MAML2: variants seen among roughly 807,000 people sequenced by gnomAD.
MAML2 encodes the protein mastermind-like protein 2.
A neutral mutation model predicts 96.1 loss-of-function variants in MAML2; 22 were observed. That is an observed-to-expected ratio of 0.23 (90% CI 0.16 to 0.33). The LOEUF (loss-of-function observed/expected upper bound fraction) is 0.33, where lower values mean the gene tolerates loss of function less well. Ranked by LOEUF, MAML2 falls within the 10% of genes least tolerant of loss-of-function variation. The probability of loss-of-function intolerance (pLI) is 1.00; values close to 1 mark genes in which losing one functional copy is unlikely to be tolerated. For synonymous variants in MAML2, 561 were observed against 521.3 expected (o/e 1.08, Z -1.04); for missense variants, 1,367 against 1,392.4 (o/e 0.98, Z 0.29).
intron 2 of MAML2, among the ~76,000 whole-genome samples, chr11:96,016,707 G>T (rs11021392): frequency 1 from 152,320 of 152,320 alleles, 76,160 homozygotes; most frequent in Non-Finnish European, 1. Context: ...CCTTCTCATC[G>T]TAGTTTGTGT....
Position 95,991,574 on chromosome 11 carries a change from C to G in MAML2, c.2289G>C (p.Gln763His). ...GAAGTTGCTGTTTCTGCTCCATGAT[C>G]TGCCTCTGTAGAGTCTGCTTCTTTC... The part of the protein sequence containing the change: ...LMGKKQTLQR[Q>H]IMEQKQQLLL... Residue 763 changes from glutamine to histidine, a missense_variant, in exon 3 of 5, where the codon CAG (glutamine) becomes CAC (histidine). By Grantham distance (24) the Gln-to-His change is conservative. Transcript: ENST00000524717. 6.2e-7 allele frequency: 1 copy of G among 1,613,824 alleles called. No individual in the cohort carries two copies. Among genetic ancestry groups the G allele is most frequent in the Non-Finnish European group, 8.5e-7 (1 of 1,179,744 alleles).
At chr11:95,986,337 A>G (rs1476784662) in intron 3 of MAML2, among the ~76,000 whole-genome samples, 1 of 151,826 alleles carries the variant, frequency 6.6e-6, no homozygotes, top group East Asian at 1.9e-4. Context: ...CCCTGGGATT[A>G]CAGGTGCCCG....
intron 1 of MAML2, among the ~76,000 whole-genome samples, chr11:96,163,486 C>T (rs1861145689): frequency 6.6e-6 from 1 of 152,172 alleles, no homozygotes; most frequent in Admixed American, 6.5e-5. Context: ...TGGAGATCAA[C>T]CAGAAATATT....
intron 1 of MAML2, among the ~76,000 whole-genome samples, chr11:96,115,966 T>A (rs1449127981): frequency 6.6e-6 from 1 of 152,160 alleles, no homozygotes; most frequent in African/African-American, 2.4e-5. Flanking sequence ...TATCTCAGCA[T>A]ATCTATGAAA....
chr11:96,236,729 G>A (rs1482374617), intron 1 of MAML2, among the ~76,000 whole-genome samples: 2 of 152,122 alleles, frequency 1.3e-5, no homozygotes, highest in Non-Finnish European at 2.9e-5. Flanking sequence ...TCATCAATCT[G>A]GAGGGTTGAT....
chr11:96,175,791 G>A (rs1396055108), intron 1 of MAML2, among the ~76,000 whole-genome samples: 1 of 151,832 alleles, frequency 6.6e-6, no homozygotes, highest in African/African-American at 2.4e-5. Flanking sequence ...TAGTACAGAC[G>A]GGGTTTCACC....
chr11:96,120,031 C>T (rs1030248295), intron 1 of MAML2, among the ~76,000 whole-genome samples: 1 of 148,194 alleles, frequency 6.7e-6, no homozygotes, highest in African/African-American at 2.5e-5. Flanking sequence ...GATCTCAGCT[C>T]ACTGCAAGCT....
intron 1 of MAML2, among the ~76,000 whole-genome samples, chr11:96,142,220 A>G (rs1222690418): frequency 1.3e-5 from 2 of 152,196 alleles, no homozygotes. Context: ...AATGACTTCT[A>G]TGTTGAAACC....
rs118138774 is a variant in MAML2, at chr11:96,089,916, A to G, written c.2139+1976T>C. 6.0e-4 allele frequency among the ~76,000 whole-genome samples: 26 copies of G among 43,378 alleles called. 1 individual carries two copies. The East Asian group carries it at 7.1e-3, about 12-fold the overall frequency. 28.5% of individuals were successfully genotyped at this position (43,378 alleles called of 152,430 possible). On this transcript the variant is annotated intron_variant, in intron 2 of 4. Coordinates refer to ENST00000524717, the MANE Select transcript of MAML2 (RefSeq NM_032427.4). ...ATGTCATATGCCCTAGGAGAATGTA[A>G]AAAATTATCTAAGGCATTGGAACAT...
chr11:96,126,335 A>G (rs1591028379), intron 1 of MAML2, among the ~76,000 whole-genome samples: 1 of 152,150 alleles, frequency 6.6e-6, no homozygotes, highest in Non-Finnish European at 1.5e-5. Context: ...AGGCGGGTGG[A>G]TCACCTGAGG....
intron 2 of MAML2, among the ~76,000 whole-genome samples, chr11:96,039,983 G>C (rs1279890827): frequency 7.4e-6 from 1 of 135,316 alleles, no homozygotes; most frequent in East Asian, 2.4e-4. Context: ...AAAAAAAAAA[G>C]ATCATCACAA....
chr11:96,085,284 G>A (rs761955285), intron 2 of MAML2, among the ~76,000 whole-genome samples: 1 of 152,038 alleles, frequency 6.6e-6, no homozygotes, highest in African/African-American at 2.4e-5. Flanking sequence ...ACATTTGTAC[G>A]GTCTTCTGTT....
chr11:96,289,150 G>T (rs1317025652), intron 1 of MAML2, among the ~76,000 whole-genome samples: 2 of 152,174 alleles, frequency 1.3e-5, no homozygotes, highest in Non-Finnish European at 2.9e-5. Flanking sequence ...AAAGCATTTA[G>T]TTCTACCTGA....
In MAML2 at chr11:95,997,254, C is replaced by T. The variant is rs541451232; in HGVS notation, c.2140-5531G>A. The stretch of plus-strand genomic sequence containing the variant: ...TAAATCAATTATGAGTGCACAATAA[C>T]GTATATTTATTGTGTACTCCTAGAT... On this transcript the variant is annotated intron_variant, in intron 2 of 4. Transcript: ENST00000524717. Among the ~76,000 whole-genome samples, 6 of 152,088 alleles carry T rather than the reference C, an allele frequency of 3.9e-5. No individual in the cohort carries two copies. The East Asian group carries it at 5.8e-4, about 15-fold the overall frequency.
At chr11:96,040,155 C>T (rs186966541) in intron 2 of MAML2, among the ~76,000 whole-genome samples, 1 of 152,058 alleles carries the variant, frequency 6.6e-6, no homozygotes, top group African/African-American at 2.4e-5. Context: ...TTATTATGTG[C>T]CAGGTACACT....
intron 1 of MAML2, among the ~76,000 whole-genome samples, chr11:96,240,528 G>A (rs979700184): frequency 3.2e-5 from 4 of 124,950 alleles, no homozygotes; most frequent in Non-Finnish European, 6.6e-5. Context: ...TCCGCAGTCC[G>A]GCCTGGGCGA....
chr11:96,136,529 G>A (rs1860636015), intron 1 of MAML2, among the ~76,000 whole-genome samples: 1 of 152,054 alleles, frequency 6.6e-6, no homozygotes, highest in African/African-American at 2.4e-5. Context: ...GTTACTTAGA[G>A]CCTTAATTCA....
At chr11:95,991,791 C>T (rs552828154) in intron 2 of MAML2, 68 bp from the exon 3 acceptor site, 11 of 1,200,748 alleles carry the variant, frequency 9.2e-6, no homozygotes, top group Non-Finnish European at 1.3e-5. Flanking sequence ...GCACAAAGAT[C>T]ATACACTCAG....
At chr11:96,246,416 A>T (rs1862512997) in intron 1 of MAML2, among the ~76,000 whole-genome samples, 1 of 152,086 alleles carries the variant, frequency 6.6e-6, no homozygotes, top group Non-Finnish European at 1.5e-5. Flanking sequence ...ACTACATACA[A>T]AATGCTATGG....
Sources: gnomAD v4.1 joint callset for allele counts (sites outside exome capture counted in the v4.1 genomes callset) on GRCh38, gnomAD v4.1.1 for gene constraint, MANE v1.5 for transcripts, NCBI Gene and HGNC (gene_info 2026-07-23, HGNC 2026-07-21) for gene names.